The following TRIO variants were observed in gnomAD, a reference collection of about 807,000 sequenced individuals.
TRIO encodes trio Rho guanine nucleotide exchange factor, also known as triple functional domain protein.
Under a neutral mutation model 351.9 loss-of-function variants are expected in TRIO, and 58 were observed. The observed-to-expected ratio is 0.16, with a 90% confidence interval of 0.13 to 0.21. TRIO has a LOEUF of 0.21. Ranked by LOEUF, TRIO falls within the 10% of genes least tolerant of loss-of-function variation. The probability of loss-of-function intolerance (pLI) is 1.00; values close to 1 mark genes in which losing one functional copy is unlikely to be tolerated. For missense variants in TRIO, 3,201 were observed against 4,027.8 expected (o/e 0.79, Z 5.56); for synonymous variants, 1,758 against 1,595.7 (o/e 1.10, Z -2.42).
At chr5:14,419,692 ACCCACCTGGAGGACTT>A in intron 33 of TRIO, 70 bp from the exon 34 acceptor site, 1 of 1,558,822 alleles carries the variant, frequency 6.4e-7, no homozygotes, top group Non-Finnish European at 8.7e-7. Flanking sequence ...GGTGGCAGGA[ACCCACCTGGAGGACTT>A]CCCAGCTGTA....
At chr5:14,339,110 A>T (rs907794968) in intron 11 of TRIO, among the ~76,000 whole-genome samples, 10 of 152,088 alleles carry the variant, frequency 6.6e-5, no homozygotes, top group Non-Finnish European at 4.4e-5. Context: ...GTGTGGTGGC[A>T]CCTGTAGTCC....
At chr5:14,431,963 ACCTCC>A (rs1751189084) in intron 34 of TRIO, among the ~76,000 whole-genome samples, 1 of 152,040 alleles carries the variant, frequency 6.6e-6, no homozygotes. Flanking sequence ...TAATTTAATC[ACCTCC>A]TTAAAAGACC....
intron 10 of TRIO, among the ~76,000 whole-genome samples, chr5:14,332,412 A>T (rs1221396155): frequency 6.6e-6 from 1 of 152,230 alleles, no homozygotes; most frequent in East Asian, 1.9e-4. Context: ...TGCAAGGAGG[A>T]TAACTGCCTC....
chr5:14,438,559 G>C (rs1751777425), intron 34 of TRIO, among the ~76,000 whole-genome samples: 1 of 152,156 alleles, frequency 6.6e-6, no homozygotes, highest in Admixed American at 6.5e-5. Context: ...TTTGAACCAG[G>C]GTTTCTTCCC....
At chr5:14,358,378 G>C (rs372082686) in intron 12 of TRIO, 31 bp downstream of exon 12, 1 of 1,608,350 alleles carries the variant, frequency 6.2e-7, no homozygotes, top group Admixed American at 1.7e-5. Context: ...GGTCCGAACA[G>C]ATTCTGAAAC....
At chr5:14,304,372 TC>T in intron 7 of TRIO, 88 bp from the exon 8 acceptor site, 1 of 1,353,410 alleles carries the variant, frequency 7.4e-7, no homozygotes, top group Non-Finnish European at 1.0e-6. Context: ...CTCCCTCAAG[TC>T]CCCTAATTTT....
At chr5:14,195,964 T>A (rs538155980) in intron 1 of TRIO, among the ~76,000 whole-genome samples, 2 of 152,366 alleles carry the variant, frequency 1.3e-5, no homozygotes, top group East Asian at 3.9e-4. Flanking sequence ...TATCTGTATT[T>A]GTATAAATTT....
chr5:14,293,037 A>G lies in TRIO; in HGVS notation c.1079A>G (p.Lys360Arg). 6.2e-7 allele frequency: 1 copy of G among 1,614,092 alleles called. No homozygotes were observed. Among genetic ancestry groups the G allele is most frequent in the Non-Finnish European group, 8.5e-7 (1 of 1,179,996 alleles). Residue 360 changes from lysine to arginine, a missense_variant, in exon 6 of 57, where the codon AAA becomes AGA. Around this residue, in one of 19 missense-constraint regions of TRIO, gnomAD observed 349 missense variants for 449.3 expected, o/e 0.78. Coordinates refer to ENST00000344204, the MANE Select transcript of TRIO (RefSeq NM_007118.4). ...EKMFDWITHN[K>R]GLFLNSYTEI... is the part of the protein sequence containing the mutation. ...ATGTTTGACTGGATCACACACAACA[A>G]AGGCCTGTTTCTAAACAGCTACACA...
intron 33 of TRIO, among the ~76,000 whole-genome samples, chr5:14,411,266 C>A (rs1749173988): frequency 6.6e-6 from 1 of 152,116 alleles, no homozygotes; most frequent in Non-Finnish European, 1.5e-5. Flanking sequence ...AAATTTTTTC[C>A]CTGTCTCTTC....
chr5:14,358,105 C>G (rs1482480310), intron 11 of TRIO, 73 bp from the exon 12 acceptor site: 1 of 1,521,926 alleles, frequency 6.6e-7, no homozygotes, highest in Non-Finnish European at 8.9e-7. Context: ...CACTGGGGCC[C>G]CTTGGACACC....
At chr5:14,201,652 T>G (rs1161184995) in intron 1 of TRIO, among the ~76,000 whole-genome samples, 1 of 152,172 alleles carries the variant, frequency 6.6e-6, no homozygotes, top group Non-Finnish European at 1.5e-5. Flanking sequence ...TAAAAATTAC[T>G]TCACTTAGTC....
intron 4 of TRIO, among the ~76,000 whole-genome samples, chr5:14,290,428 C>A (rs1736807049): frequency 1.3e-5 from 2 of 152,174 alleles, no homozygotes; most frequent in South Asian, 4.1e-4. Flanking sequence ...TCTCCATCTT[C>A]TTGGAAAGAA....
At chr5:14,159,836 A>C (rs1217117295) in intron 1 of TRIO, among the ~76,000 whole-genome samples, 1 of 152,186 alleles carries the variant, frequency 6.6e-6, no homozygotes, top group Non-Finnish European at 1.5e-5. Flanking sequence ...AAGTGCTGGG[A>C]TTACAGGCGT....
intron 1 of TRIO, among the ~76,000 whole-genome samples, chr5:14,248,941 A>G (rs1374434012): frequency 6.6e-6 from 1 of 152,102 alleles, no homozygotes; most frequent in Non-Finnish European, 1.5e-5. Flanking sequence ...GATCTCTCTC[A>G]CCAGACTGAG....
At chr5:14,411,838 C>A (rs762420768) in intron 33 of TRIO, among the ~76,000 whole-genome samples, 6 of 152,028 alleles carry the variant, frequency 3.9e-5, no homozygotes, top group Non-Finnish European at 8.8e-5. Flanking sequence ...AACTCCTGAC[C>A]TCAAGCAATC....
At chr5:14,218,606 G>C (rs1792373501) in intron 1 of TRIO, among the ~76,000 whole-genome samples, 1 of 152,152 alleles carries the variant, frequency 6.6e-6, no homozygotes. Flanking sequence ...GGTGGGCCCT[G>C]GGCGAGGCTG....
chr5:14,328,407 C>T (rs541835436), intron 9 of TRIO, among the ~76,000 whole-genome samples: 6 of 152,142 alleles, frequency 3.9e-5, no homozygotes, highest in East Asian at 1.9e-4. Context: ...TAAAACAATG[C>T]GCCCAATATG....
At position 14,471,341 on chromosome 5, in the gene TRIO, A is replaced by C; in HGVS notation, c.5787A>C (p.Ser1929=). Residue 1929 remains serine, a synonymous_variant, in exon 38 of 57, where the codon TCA becomes TCC. Coordinates refer to ENST00000344204, the MANE Select transcript of TRIO (RefSeq NM_007118.4). The part of the protein sequence containing the change: ...SKMALEDRPS[S]LLVDQGDSSS... ...AGGCACTGGAGGATCGCCCCAGCTC[A>C]CTCCTTGTTGACCAGGGAGATAGTA... 6.2e-7 allele frequency: 1 copy of C among 1,613,884 alleles called. No individual in the cohort carries two copies.
At chr5:14,268,423 A>G (rs1283925805) in intron 1 of TRIO, among the ~76,000 whole-genome samples, 1 of 152,212 alleles carries the variant, frequency 6.6e-6, no homozygotes, top group Non-Finnish European at 1.5e-5. Context: ...CATTGGGATC[A>G]GGACATTCTT....
Sources: allele counts gnomAD v4.1 joint callset (sites outside exome capture counted in the v4.1 genomes callset), GRCh38; gene constraint gnomAD v4.1.1; regional missense constraint gnomAD v4.1.1; transcripts MANE v1.5; gene names NCBI Gene and HGNC (gene_info 2026-07-23, HGNC 2026-07-21).